Variants in HDAC9 observed in about 807,000 individuals in gnomAD.
HDAC9 encodes MEF-2 interacting transcription repressor (MITR) protein.
HDAC9 carries 41 observed loss-of-function variants against 139.4 expected under a neutral mutation model. That is an observed-to-expected ratio of 0.29 (90% confidence interval 0.23 to 0.38). The LOEUF (loss-of-function observed/expected upper bound fraction) is 0.38. Among genes scored for constraint, HDAC9 ranks in the 10% least tolerant of loss-of-function variants. The pLI, the probability that HDAC9 is intolerant of heterozygous loss-of-function variation, is 1.00. For missense variants in HDAC9, 1,147 were observed against 1,297.0 expected (o/e 0.88, Z 1.78); for synonymous variants, 517 against 476.2 (o/e 1.09, Z -1.12).
At chr7:18,456,086 T>A (rs1450790552) in intron 1 of HDAC9, among the ~76,000 whole-genome samples, 1 of 152,160 alleles carries the variant, frequency 6.6e-6, no homozygotes, top group African/African-American at 2.4e-5. Flanking sequence ...ATAAATAGGG[T>A]CCCCAGCACA....
At chr7:18,693,526 G>A (rs1433076260) in intron 12 of HDAC9, among the ~76,000 whole-genome samples, 2 of 152,130 alleles carry the variant, frequency 1.3e-5, no homozygotes, top group Non-Finnish European at 1.5e-5. Flanking sequence ...CAAATAGGGA[G>A]GAGAGAGACG....
chr7:18,289,327 A>G (rs138146243), upstream of HDAC9, among the ~76,000 whole-genome samples: 288 of 152,290 alleles, frequency 1.9e-3, 1 homozygote, highest in African/African-American at 6.4e-3. Flanking sequence ...AAATTCAATA[A>G]GTCTTCAAAG....
At chr7:18,352,765 GT>G (rs917823953) in intron 1 of HDAC9, among the ~76,000 whole-genome samples, 14 of 151,986 alleles carry the variant, frequency 9.2e-5, no homozygotes, top group East Asian at 3.9e-4. Flanking sequence ...GCTGATGTTT[GT>G]TTTTTTCCCC....
intron 15 of HDAC9, among the ~76,000 whole-genome samples, chr7:18,766,273 C>T (rs1294612184): frequency 6.6e-6 from 1 of 152,144 alleles, no homozygotes; most frequent in Non-Finnish European, 1.5e-5. Flanking sequence ...ACTCCACAGA[C>T]AGATTTTAAT....
chr7:18,146,304 A>G (rs914304905), intron 1 of HDAC9, among the ~76,000 whole-genome samples: 3 of 152,176 alleles, frequency 2.0e-5, no homozygotes, highest in Admixed American at 1.3e-4. Flanking sequence ...CTATAAATGA[A>G]TCTAGAATAA....
chr7:18,917,450 G>GA (rs1803304821), intron 22 of HDAC9, among the ~76,000 whole-genome samples: 1 of 148,410 alleles, frequency 6.7e-6, no homozygotes, highest in South Asian at 2.1e-4. Context: ...ACGTATATAT[G>GA]AAAAAAGACA....
intron 2 of HDAC9, among the ~76,000 whole-genome samples, chr7:18,575,547 G>A (rs897191138): frequency 3.3e-5 from 5 of 152,332 alleles, no homozygotes; most frequent in Non-Finnish European, 5.9e-5. Context: ...ATGTTGTCAC[G>A]TGTCAGCACA....
At chr7:18,741,435 A>G (rs895414415) in intron 13 of HDAC9, among the ~76,000 whole-genome samples, 1 of 152,194 alleles carries the variant, frequency 6.6e-6, no homozygotes, top group African/African-American at 2.4e-5. Flanking sequence ...ATATCCGTTT[A>G]GAGTGTGGTT....
At chr7:18,968,072 G>C (rs1230082144) in intron 24 of HDAC9, among the ~76,000 whole-genome samples, 1 of 152,150 alleles carries the variant, frequency 6.6e-6, no homozygotes, top group Non-Finnish European at 1.5e-5. Context: ...CGAGGCAAGA[G>C]AATCGCTTGA....
intron 1 of HDAC9, among the ~76,000 whole-genome samples, chr7:18,356,726 G>GGA (rs1447423872): frequency 1.3e-5 from 2 of 152,104 alleles, no homozygotes; most frequent in African/African-American, 4.8e-5. Context: ...TTGATGCCCA[G>GGA]GAGATTGTCA....
intron 2 of HDAC9, among the ~76,000 whole-genome samples, chr7:18,527,702 A>G (rs1807402582): frequency 1.3e-5 from 2 of 152,162 alleles, no homozygotes; most frequent in Non-Finnish European, 2.9e-5. Flanking sequence ...GGATCAACCT[A>G]TGATTTTCTT....
intron 1 of HDAC9, among the ~76,000 whole-genome samples, chr7:18,306,130 T>C (rs956638007): frequency 6.6e-6 from 1 of 152,200 alleles, no homozygotes; most frequent in African/African-American, 2.4e-5. Context: ...GTGTGCTAGG[T>C]AACTAAAGCT....
intron 11 of HDAC9, 26 bp downstream of exon 11, chr7:18,648,709 G>A (rs1317854362): frequency 1.3e-6 from 2 of 1,582,362 alleles, no homozygotes; most frequent in Non-Finnish European, 1.7e-6. Context: ...AAGTCAAAAT[G>A]TTCTAACCGC....
intron 16 of HDAC9, 85 bp from the exon 17 acceptor site, chr7:18,793,260 A>G (rs919139525): frequency 6.7e-6 from 6 of 894,284 alleles, no homozygotes; most frequent in Non-Finnish European, 1.1e-5. Flanking sequence ...TTCCCCTGCG[A>G]CCTCTTCCCC....
At chr7:18,602,396 G>A (rs2157847) in intron 6 of HDAC9, among the ~76,000 whole-genome samples, 10,227 of 151,532 alleles carry the variant, frequency 0.067, 724 homozygotes, top group East Asian at 0.31. Flanking sequence ...TCTTTCAAAG[G>A]ACCAGTTTTT....
intron 6 of HDAC9, among the ~76,000 whole-genome samples, chr7:18,622,489 AT>A (rs1309605009): frequency 2.0e-5 from 3 of 151,800 alleles, no homozygotes; most frequent in South Asian, 2.1e-4. Flanking sequence ...CACCCGGCTA[AT>A]TTTTTGTATT....
intron 1 of HDAC9, among the ~76,000 whole-genome samples, chr7:18,306,602 T>C (rs1484947674): frequency 6.6e-6 from 1 of 152,170 alleles, no homozygotes; most frequent in Non-Finnish European, 1.5e-5. Context: ...TTGGTCTCTC[T>C]CCAAGTGGTG....
chr7:18,976,827 G>C (rs570609624), intron 25 of HDAC9, among the ~76,000 whole-genome samples: 1 of 152,270 alleles, frequency 6.6e-6, no homozygotes, highest in East Asian at 1.9e-4. Flanking sequence ...CTAAAGCTCT[G>C]CCAGCTTGCA....
At chr7:18,188,874 A>T (rs1042153506) in intron 2 of HDAC9, among the ~76,000 whole-genome samples, 3 of 152,166 alleles carry the variant, frequency 2.0e-5, no homozygotes, top group African/African-American at 2.4e-5. Context: ...GAGAAATAGG[A>T]ATGCTTTTAC....
Sources: gnomAD v4.1 joint callset for allele counts (sites outside exome capture counted in the v4.1 genomes callset) on GRCh38, gnomAD v4.1.1 for gene constraint, MANE v1.5 for transcripts, NCBI Gene and HGNC (gene_info 2026-07-23, HGNC 2026-07-21) for gene names.